TBL1X: variants seen among roughly 807,000 people sequenced by gnomAD.
TBL1X encodes the protein transducin beta like 1 X-linked.
In TBL1X, 10 loss-of-function variants were observed where a neutral mutation model predicts 50.7. That is an observed-to-expected ratio of 0.20 (90% confidence interval 0.12 to 0.33). The LOEUF (loss-of-function observed/expected upper bound fraction) is 0.33. TBL1X is among the 10% of genes least tolerant of loss of function. The pLI is 1.00. For missense variants in TBL1X, 340 were observed against 504.4 expected, an observed-to-expected ratio of 0.67 and a Z score of 3.12; for synonymous variants, 190 against 214.7, an observed-to-expected ratio of 0.88 and a Z score of 1.01.
intron 2 of TBL1X, among the ~76,000 whole-genome samples, chrX:9,588,133 A>G (rs896494679): frequency 5.3e-5 from 6 of 112,611 alleles, no homozygotes; most frequent in African/African-American, 1.9e-4. Flanking sequence ...CAAATAGAGC[A>G]TAACAGATAT....
rs182102395 is a variant in TBL1X, at chrX:9,610,489, G to A, written c.-130-29784G>A. Among the ~76,000 whole-genome samples the A allele has an allele frequency of 1.5e-3, 171 of 112,422 alleles. 1 individual carries two copies. Among genetic ancestry groups the A allele is most frequent in the African/African-American group, 5.2e-3 (162 of 30,914 alleles). On this transcript the variant is annotated intron_variant, in intron 2 of 17. Coordinates refer to ENST00000645353, the MANE Select transcript of TBL1X (RefSeq NM_005647.4). ...TGTATTTTTCACATGAATTAATTGA[G>A]TATCTATTATGTGGCAAGCTCTGTG...
At chrX:9,568,099 C>T (rs2082361037) in intron 2 of TBL1X, among the ~76,000 whole-genome samples, 1 of 112,190 alleles carries the variant, frequency 8.9e-6, no homozygotes, top group Admixed American at 9.4e-5. Flanking sequence ...TCTTGTCCCA[C>T]TCCCTGCTCC....
intron 2 of TBL1X, among the ~76,000 whole-genome samples, chrX:9,509,247 C>T (rs1210341390): frequency 1.3e-4 from 14 of 103,805 alleles, no homozygotes; most frequent in African/African-American, 5.0e-4. Context: ...AAAAATTAGC[C>T]GGGCGTGGTG....
chrX:9,585,340 T>TG (rs777920670), intron 2 of TBL1X, among the ~76,000 whole-genome samples: 1 of 58,133 alleles, frequency 1.7e-5, no homozygotes, highest in African/African-American at 6.3e-5. Context: ...CCCCCTCCCC[T>TG]CCCCCCCCCG....
intron 6 of TBL1X, among the ~76,000 whole-genome samples, chrX:9,686,319 A>G (rs2083059317): frequency 8.9e-6 from 1 of 111,993 alleles, no homozygotes; most frequent in Non-Finnish European, 1.9e-5. Flanking sequence ...AAGCCTTCAT[A>G]GTTGCCTTCC....
chrX:9,556,912 T>C (rs2082303781), intron 2 of TBL1X, among the ~76,000 whole-genome samples: 1 of 110,900 alleles, frequency 9.0e-6, no homozygotes, highest in Non-Finnish European at 1.9e-5. Flanking sequence ...GTTCGAGTCT[T>C]TTTCACATTG....
chrX:9,521,404 C>T (rs1468288841), intron 2 of TBL1X, among the ~76,000 whole-genome samples: 1 of 111,756 alleles, frequency 8.9e-6, no homozygotes, highest in African/African-American at 3.3e-5. Context: ...GCAGAGAGTG[C>T]GTGCTTGGGG....
intron 3 of TBL1X, among the ~76,000 whole-genome samples, chrX:9,652,471 A>G (rs2082840925): frequency 1.8e-5 from 2 of 112,378 alleles, no homozygotes; most frequent in East Asian, 2.8e-4. Flanking sequence ...CAAAAACTCA[A>G]TCCTCATTCA....
In TBL1X at chrX:9,487,746, G is replaced by T. The variant is rs190045649; in HGVS notation, c.-200-14034G>T. On this transcript the variant is annotated intron_variant, in intron 1 of 17. Coordinates refer to ENST00000645353, the MANE Select transcript of TBL1X (RefSeq NM_005647.4). Reference sequence around the variant, plus strand: ...AAGGTCAACGTAGAAAACAATTTTCGTCAGCTAGAGCTGGGCCTGCAGGTC... The same window carrying T: ...AAGGTCAACGTAGAAAACAATTTTCTTCAGCTAGAGCTGGGCCTGCAGGTC... Among the ~76,000 whole-genome samples, 25 of 111,266 alleles carry T rather than the reference G, an allele frequency of 2.2e-4. No homozygotes were observed. In the East Asian group the frequency reaches 6.5e-3, roughly 29 times the overall value.
chrX:9,523,556 A>G (rs1280515425), intron 2 of TBL1X, among the ~76,000 whole-genome samples: 3 of 111,786 alleles, frequency 2.7e-5, no homozygotes, highest in African/African-American at 9.8e-5. Flanking sequence ...GTCTTTCTCC[A>G]CTCTGGTGTC....
chrX:9,696,313 G>A (rs2239410), intron 11 of TBL1X, among the ~76,000 whole-genome samples: 38,874 of 111,309 alleles, frequency 0.35, 5,343 homozygotes, highest in South Asian at 0.46. Flanking sequence ...GGAGTACCAA[G>A]TTTCAAAGAC....
At chrX:9,630,602 A>G (rs1195356917) in intron 2 of TBL1X, among the ~76,000 whole-genome samples, 2 of 111,573 alleles carry the variant, frequency 1.8e-5, no homozygotes, top group South Asian at 3.7e-4. Context: ...TTATTTTTTA[A>G]AAATATTTTT....
At chrX:9,708,519 G>T (rs1008557589) in intron 13 of TBL1X, among the ~76,000 whole-genome samples, 1 of 111,313 alleles carries the variant, frequency 9.0e-6, no homozygotes, top group Non-Finnish European at 1.9e-5. Context: ...CCCTCCCTCC[G>T]CCTCCACTCA....
At chrX:9,513,397 G>A (rs1357841245) in intron 2 of TBL1X, among the ~76,000 whole-genome samples, 2 of 111,015 alleles carry the variant, frequency 1.8e-5, no homozygotes, top group Non-Finnish European at 1.9e-5. Context: ...TCTGCTTCCC[G>A]ACTGGGGCAG....
rs1328133914 is a variant in TBL1X, at chrX:9,716,736, C to T, written c.*490C>T. The T allele has an allele frequency of 8.9e-6, 1 of 111,780 alleles. No homozygotes were observed. Among genetic ancestry groups the T allele is most frequent in the African/African-American group, 3.3e-5 (1 of 30,454 alleles). The allele number at this position is 111,780 out of a possible 1,213,427, so 9.2% of individuals were successfully genotyped here. A position where few individuals can be genotyped will look rare whatever the true frequency, so the allele number is the denominator to read the frequency against. The stretch of plus-strand genomic sequence containing the variant: ...AAGGAGGTTCAAAGACCAGTTTGTA[C>T]CGATGAAACGCGCAACTTTGTAATC... On this transcript the variant is annotated 3_prime_UTR_variant, in exon 18 of 18. Coordinates refer to ENST00000645353, the MANE Select transcript of TBL1X (RefSeq NM_005647.4).
chrX:9,492,872 T>TA (rs1444826797), intron 1 of TBL1X, among the ~76,000 whole-genome samples: 1,469 of 48,967 alleles, frequency 0.03, 55 homozygotes, highest in Admixed American at 0.1. Flanking sequence ...TGTGTGTGTG[T>TA]GTGTGTGTGT....
At chrX:9,492,894 T>TGTGTGTGTGTGTGTGG (rs796965171) in intron 1 of TBL1X, among the ~76,000 whole-genome samples, 2 of 24,171 alleles carry the variant, frequency 8.3e-5, no homozygotes, top group Non-Finnish European at 2.1e-4. Context: ...TGTGTGTGTG[T>TGTGTGTGTGTGTGTGG]GTGTAGGGGA....
chrX:9,565,139 T>G (rs754428131), intron 2 of TBL1X, among the ~76,000 whole-genome samples: 192 of 106,892 alleles, frequency 1.8e-3, no homozygotes, highest in African/African-American at 6.3e-3. Context: ...GGGCGTGGTG[T>G]TGGGCACCTG....
chrX:9,626,468 T>A (rs748249505), intron 2 of TBL1X, among the ~76,000 whole-genome samples: 3 of 112,424 alleles, frequency 2.7e-5, no homozygotes, highest in Non-Finnish European at 5.6e-5. Context: ...TGCAGTGTAC[T>A]GTCCTTCCAT....
Sources: allele counts gnomAD v4.1 joint callset (sites outside exome capture counted in the v4.1 genomes callset), GRCh38; gene constraint gnomAD v4.1.1; transcripts MANE v1.5; gene names NCBI Gene and HGNC (gene_info 2026-07-23, HGNC 2026-07-21).